The following UBQLN4 variants were observed in gnomAD, a reference collection of about 807,000 sequenced individuals.
The protein encoded by UBQLN4 is ubiquilin 4, also known as ubiquilin-4.
UBQLN4 carries 11 observed loss-of-function variants against 60.4 expected under a neutral mutation model. The ratio of observed to expected loss-of-function variants is 0.18; its 90% confidence interval spans 0.11 to 0.30. The LOEUF (loss-of-function observed/expected upper bound fraction) is 0.30, where lower values mean the gene tolerates loss of function less well. UBQLN4 is among the 10% of genes least tolerant of loss of function. UBQLN4 has a pLI of 1.00. For synonymous variants in UBQLN4, 258 were observed against 313.1 expected (o/e 0.82, Z 1.86); for missense variants, 417 against 795.5 (o/e 0.52, Z 5.72).
Position 156,035,334 on chromosome 1 carries a change from G to A in UBQLN4, c.*1644C>T. 1.0e-6 allele frequency: 1 copy of A among 985,388 alleles called. No homozygotes were observed. The highest frequency in any genetic ancestry group is 1.7e-5 in the African/African-American group (1 of 57,294). 61.0% of individuals were successfully genotyped at this position (985,388 alleles called of 1,614,324 possible). ...AAGACCACGCCATTTATTTACAAAG[G>A]CCAGTGTGGGAGCTGGGGGAGGCAG... On this transcript the variant is annotated 3_prime_UTR_variant, in exon 11 of 11. Transcript: ENST00000368309.
chr1:156,037,887 T>G (rs1683448432), intron 10 of UBQLN4, among the ~76,000 whole-genome samples: 1 of 152,176 alleles, frequency 6.6e-6, no homozygotes, highest in African/African-American at 2.4e-5. Context: ...TTTGTTTCAC[T>G]GATCAACAGT....
intron 9 of UBQLN4, 36 bp from the exon 10 acceptor site, chr1:156,041,707 A>G (rs745306134): frequency 5.4e-6 from 8 of 1,480,216 alleles, no homozygotes; most frequent in Non-Finnish European, 7.2e-6. Flanking sequence ...AGGAGATGGC[A>G]TCCAAGAAAG....
Position 156,036,913 on chromosome 1 carries a change from G to C in UBQLN4, c.*65C>G, listed in dbSNP as rs1185934269. On this transcript the variant is annotated 3_prime_UTR_variant, in exon 11 of 11. Transcript: ENST00000368309. ...GGGAGGACAAGCTGCAGAGGGTAAG[G>C]ATTGACAGAAGAACCGAATGCTGAC... 1 of 1,582,426 alleles carries C rather than the reference G, an allele frequency of 6.3e-7. No homozygotes were observed. Among genetic ancestry groups the C allele is most frequent in the Non-Finnish European group, 8.6e-7 (1 of 1,165,108 alleles).
chr1:156,035,365 G>T lies in UBQLN4; in HGVS notation c.*1613C>A, dbSNP rs1053341814. The stretch of plus-strand genomic sequence containing the variant: ...GTGGGAGCTGGGGGAGGCAGGGAGG[G>T]AAAGCCACACAGACATCTTCTCTGG... On this transcript the variant is annotated 3_prime_UTR_variant, in exon 11 of 11. Coordinates refer to ENST00000368309, the MANE Select transcript of UBQLN4 (RefSeq NM_020131.5). The T allele has an allele frequency of 1.7e-5, 17 of 985,140 alleles. No homozygotes were observed. Among genetic ancestry groups the T allele is most frequent in the Admixed American group, 6.2e-5 (1 of 16,220 alleles). The allele number at this position is 985,140 out of a possible 1,614,324, so 61.0% of individuals were successfully genotyped here.
At chr1:156,052,869 C>A (rs1024688207) in intron 1 of UBQLN4, among the ~76,000 whole-genome samples, 1 of 152,162 alleles carries the variant, frequency 6.6e-6, no homozygotes, top group Non-Finnish European at 1.5e-5. Context: ...ATTCTACCAG[C>A]CCCTCCAAAA....
At chr1:156,047,936 C>T (rs1425584300) in intron 5 of UBQLN4, among the ~76,000 whole-genome samples, 1 of 149,372 alleles carries the variant, frequency 6.7e-6, no homozygotes, top group Non-Finnish European at 1.5e-5. Context: ...CAAAAGGGCA[C>T]TGAAATTATA....
Position 156,037,026 on chromosome 1 carries a change from C to T in UBQLN4, c.1758G>A (p.Gly586=). 1.2e-6 allele frequency: 2 copies of T among 1,614,146 alleles called. No homozygotes were observed. The highest frequency in any genetic ancestry group is 1.7e-6 in the Non-Finnish European group (2 of 1,180,034). ...GTCTCTCGATAGCTGCGTTGATGTCCCCTCCTGTGGCAATCAGGGCCTGCA... is the reference window on the plus strand; with the variant it reads ...GTCTCTCGATAGCTGCGTTGATGTCTCCTCCTGTGGCAATCAGGGCCTGCA... The part of the protein sequence containing the change: ...ANLQALIATG[G]DINAAIERLL... Residue 586 remains glycine, a synonymous_variant, in exon 11 of 11, where the codon GGG becomes GGA. Transcript: ENST00000368309.
intron 5 of UBQLN4, among the ~76,000 whole-genome samples, chr1:156,047,765 T>G (rs944440959): frequency 4.7e-5 from 7 of 150,420 alleles, no homozygotes; most frequent in African/African-American, 1.7e-4. Flanking sequence ...CGTGGTGGCA[T>G]GTACCTGTAG....
chr1:156,041,140 T>C (rs143742171), intron 10 of UBQLN4, among the ~76,000 whole-genome samples: 2 of 152,352 alleles, frequency 1.3e-5, no homozygotes, highest in South Asian at 2.1e-4. Flanking sequence ...CCACTTAACC[T>C]TTCCGGGCCT....
At chr1:156,042,416 G>T in intron 7 of UBQLN4, 180 bp from the exon 8 acceptor site, 1 of 1,416,266 alleles carries the variant, frequency 7.1e-7, no homozygotes, top group Non-Finnish European at 9.2e-7. Flanking sequence ...CTATGCTCTG[G>T]GTAATGAAGA....
At chr1:156,037,448 C>T (rs538240161) in intron 10 of UBQLN4, among the ~76,000 whole-genome samples, 24 of 152,022 alleles carry the variant, frequency 1.6e-4, no homozygotes, top group African/African-American at 5.3e-4. Context: ...ACAAAAAATT[C>T]GCTGGGTGTG....
chr1:156,040,817 T>C lies in UBQLN4; in HGVS notation c.1653+668A>G, dbSNP rs190307455. Among the ~76,000 whole-genome samples, 605 of 152,338 alleles carry C rather than the reference T, an allele frequency of 4.0e-3. 1 individual carries two copies. Among genetic ancestry groups the C allele is most frequent in the Non-Finnish European group, 7.3e-3 (498 of 68,024 alleles). On this transcript the variant is annotated intron_variant, in intron 10 of 10. Transcript: ENST00000368309. Reference sequence around the variant, plus strand: ...CCACCTAGTTTAGCTCTCTCGTGCCTTGCACAAAGCTGGGTAAACATACAT... The same window carrying C: ...CCACCTAGTTTAGCTCTCTCGTGCCCTGCACAAAGCTGGGTAAACATACAT...
At position 156,036,056 on chromosome 1, in the gene UBQLN4, T is replaced by G; in HGVS notation, c.*922A>C. The G allele has an allele frequency of 1.0e-6, 1 of 985,626 alleles. No individual in the cohort carries two copies. Among genetic ancestry groups the G allele is most frequent in the South Asian group, 4.7e-5 (1 of 21,292 alleles). 61.1% of individuals were successfully genotyped at this position (985,626 alleles called of 1,614,324 possible). ...GTGTGTGTGTGCATATAAGCACATATGCTTGAGGAACTAAAGCCAATATGA... is the reference window on the plus strand; with the variant it reads ...GTGTGTGTGTGCATATAAGCACATAGGCTTGAGGAACTAAAGCCAATATGA... On this transcript the variant is annotated 3_prime_UTR_variant, in exon 11 of 11. Coordinates refer to ENST00000368309, the MANE Select transcript of UBQLN4 (RefSeq NM_020131.5).
rs773394414 is a variant in UBQLN4 at position 156,036,937 on chromosome 1, A to T, written c.*41T>A. 6 of 1,600,616 alleles carry T rather than the reference A, an allele frequency of 3.7e-6. No individual in the cohort carries two copies. The highest frequency in any genetic ancestry group is 5.1e-6 in the Non-Finnish European group (6 of 1,173,678). Reference sequence around the variant, plus strand: ...GGATTGACAGAAGAACCGAATGCTGACATCGAGGGAGGGGAGAGGCAGGAG... The same window carrying T: ...GGATTGACAGAAGAACCGAATGCTGTCATCGAGGGAGGGGAGAGGCAGGAG... On this transcript the variant is annotated 3_prime_UTR_variant, in exon 11 of 11. Coordinates refer to ENST00000368309, the MANE Select transcript of UBQLN4 (RefSeq NM_020131.5).
intron 5 of UBQLN4, among the ~76,000 whole-genome samples, chr1:156,044,568 T>C (rs1441849722): frequency 6.6e-6 from 1 of 152,150 alleles, no homozygotes; most frequent in Non-Finnish European, 1.5e-5. Context: ...AATATTTGTG[T>C]TCCTGTACCT....
intron 2 of UBQLN4, 29 bp from the exon 3 acceptor site, chr1:156,051,356 G>C: frequency 6.5e-7 from 1 of 1,549,402 alleles, no homozygotes. Context: ...GAATCCTGTT[G>C]GAGTGAGCAC....
In UBQLN4 at chr1:156,051,743, C is replaced by T. The variant is rs757938654; in HGVS notation, c.223G>A (p.Gly75Arg). Residue 75 changes from glycine to arginine, a missense_variant, in exon 2 of 11, where the codon GGG (glycine) becomes AGG (arginine). Physicochemically the swap from Gly to Arg is moderately radical, Grantham distance 125. Coordinates refer to ENST00000368309, the MANE Select transcript of UBQLN4 (RefSeq NM_020131.5). Reference protein sequence around the residue: ...DTLNQHGIKDGLTVHLVIKTP... With the variant: ...DTLNQHGIKDRLTVHLVIKTP... ...TTGATGACCAGATGGACAGTGAGCC[C>T]GTCCTTGATTCCGTGCTGGTTCAGT... is the stretch of plus-strand genomic sequence containing the variant. 5.0e-6 allele frequency: 8 copies of T among 1,613,886 alleles called. No individual in the cohort carries two copies. The highest frequency in any genetic ancestry group is 1.1e-5 in the South Asian group (1 of 91,072).
Position 156,048,726 on chromosome 1 carries a change from G to A in UBQLN4, c.742-67C>T. Reference sequence around the variant, plus strand: ...GAGCACCAACCTAGGAAAAGGGTGGGCCTTGAGGAAGGGGGGTCTGTATCA... The same window carrying A: ...GAGCACCAACCTAGGAAAAGGGTGGACCTTGAGGAAGGGGGGTCTGTATCA... On this transcript the variant is annotated intron_variant, in intron 4 of 10. Transcript: ENST00000368309. This position sits in a 1 kb window ranked among gnomAD's most constrained non-coding sequence, Gnocchi z 4.9. 2.6e-6 allele frequency: 4 copies of A among 1,553,942 alleles called. No homozygotes were observed. The highest frequency in any genetic ancestry group is 3.5e-6 in the Non-Finnish European group (4 of 1,138,766).
rs147895250 is a variant in UBQLN4 at position 156,044,052 on chromosome 1, C to A, written c.1072G>T (p.Val358Leu). Residue 358 changes from valine to leucine, a missense_variant, in exon 6 of 11, where the codon GTG becomes TTG. Transcript: ENST00000368309. ...EGTGGSGTSQVHPTVSNPFGI... is the reference protein window; with the variant it reads ...EGTGGSGTSQLHPTVSNPFGI... Reference sequence around the variant, plus strand: ...AAGGGGTTCGAGACTGTCGGGTGCACCTGGCTGGTCCCCGATCCTCCGGTG... The same window carrying A: ...AAGGGGTTCGAGACTGTCGGGTGCAACTGGCTGGTCCCCGATCCTCCGGTG... 1.9e-6 allele frequency: 3 copies of A among 1,606,078 alleles called. No individual in the cohort carries two copies. The East Asian group carries it at 6.7e-5, about 36-fold the overall frequency.
Sources: allele counts gnomAD v4.1 joint callset (sites outside exome capture counted in the v4.1 genomes callset), GRCh38; gene constraint gnomAD v4.1.1; non-coding constraint Gnocchi (gnomAD v3.1); transcripts MANE v1.5; gene names NCBI Gene and HGNC (gene_info 2026-07-23, HGNC 2026-07-21).